DENND1B: variants seen among roughly 807,000 people sequenced by gnomAD.
DENND1B encodes the protein DENN domain containing 1B.
DENND1B carries 59 observed loss-of-function variants against 90.1 expected under a neutral mutation model. The ratio of observed to expected loss-of-function variants is 0.65; its 90% confidence interval spans 0.53 to 0.81. DENND1B has a LOEUF of 0.81. Ranked by LOEUF, DENND1B falls within the 40% of genes least tolerant of loss-of-function variation. DENND1B has a pLI of 0.00. For missense variants in DENND1B, 862 were observed against 912.6 expected, an observed-to-expected ratio of 0.94 and a Z score of 0.71; for synonymous variants, 337 against 324.6, an observed-to-expected ratio of 1.04 and a Z score of -0.41.
At chr1:197,592,443 G>T (rs887824262) in intron 14 of DENND1B, among the ~76,000 whole-genome samples, 1 of 152,076 alleles carries the variant, frequency 6.6e-6, no homozygotes, top group African/African-American at 2.4e-5. Flanking sequence ...AAATAACAAT[G>T]TAATTAACAA....
intron 15 of DENND1B, among the ~76,000 whole-genome samples, chr1:197,571,969 C>G (rs971481982): frequency 6.6e-6 from 1 of 152,070 alleles, no homozygotes; most frequent in South Asian, 2.1e-4. Context: ...CAAATAGGAA[C>G]AGCTCTGGTC....
At chr1:197,584,806 G>C (rs1393478464) in intron 14 of DENND1B, among the ~76,000 whole-genome samples, 2 of 151,962 alleles carry the variant, frequency 1.3e-5, no homozygotes, top group Non-Finnish European at 2.9e-5. Context: ...CAAGTAGCTG[G>C]GACTACAGGC....
intron 16 of DENND1B, among the ~76,000 whole-genome samples, chr1:197,550,041 T>C (rs1671100175): frequency 6.6e-6 from 1 of 152,174 alleles, no homozygotes; most frequent in Admixed American, 6.6e-5. Context: ...GTGTATAAAC[T>C]ACTACTGCAA....
chr1:197,506,376 G>A lies in DENND1B; in HGVS notation c.*4084C>T, dbSNP rs1429629196. ...CCCAGGAACATTAGTACTGACATAG[G>A]GTTTGTAAAAACTATTTCCTACATT... On this transcript the variant is annotated 3_prime_UTR_variant, in exon 23 of 23. Coordinates refer to ENST00000620048, the MANE Select transcript of DENND1B (RefSeq NM_001195215.2). 1 of 151,326 alleles carries A rather than the reference G, an allele frequency of 6.6e-6. No homozygotes were observed. The highest frequency in any genetic ancestry group is 2.4e-5 in the African/African-American group (1 of 41,288). 9.4% of individuals were successfully genotyped at this position (151,326 alleles called of 1,614,324 possible). A position where few individuals can be genotyped will look rare whatever the true frequency, so the allele number is the denominator to read the frequency against.
In DENND1B at chr1:197,510,518, G is replaced by T; in HGVS notation, c.2270C>A (p.Ser757Tyr). 6.2e-7 allele frequency: 1 copy of T among 1,611,948 alleles called. No homozygotes were observed. ...AATGTTCAAGCTTTGTTGGAAGTCA[G>T]ATGTCATATGACATAATGACACTAC... Reference protein sequence around the residue: ...HEVVSLCHMTSDFQQSLNISD... With the variant: ...HEVVSLCHMTYDFQQSLNISD... Residue 757 changes from serine to tyrosine, a missense_variant, in exon 23 of 23, where the codon TCT becomes TAT. Coordinates refer to ENST00000620048, the MANE Select transcript of DENND1B (RefSeq NM_001195215.2).
chr1:197,651,872 G>T (rs1653244894), intron 7 of DENND1B, among the ~76,000 whole-genome samples: 1 of 151,704 alleles, frequency 6.6e-6, no homozygotes, highest in African/African-American at 2.4e-5. Flanking sequence ...AGCCAAGATG[G>T]TCTCGATCTC....
chr1:197,507,934 T>C lies in DENND1B; in HGVS notation c.*2526A>G, dbSNP rs962283301. 7 of 151,618 alleles carry C rather than the reference T, an allele frequency of 4.6e-5. No homozygotes were observed. Among genetic ancestry groups the C allele is most frequent in the Non-Finnish European group, 8.9e-5 (6 of 67,710 alleles). The allele number at this position is 151,618 out of a possible 1,614,324, so 9.4% of individuals were successfully genotyped here. A position where few individuals can be genotyped will look rare whatever the true frequency, so the allele number is the denominator to read the frequency against. Reference sequence around the variant, plus strand: ...TGTTTTTCTGCCTTTGTTTTTAAAATAGAATAAAACTGCTAATTTTGCATT... The same window carrying C: ...TGTTTTTCTGCCTTTGTTTTTAAAACAGAATAAAACTGCTAATTTTGCATT... On this transcript the variant is annotated 3_prime_UTR_variant, in exon 23 of 23. Transcript: ENST00000620048.
At chr1:197,559,129 T>G (rs1028913510) in intron 15 of DENND1B, among the ~76,000 whole-genome samples, 1 of 151,972 alleles carries the variant, frequency 6.6e-6, no homozygotes, top group African/African-American at 2.4e-5. Flanking sequence ...ATTTCCAGCA[T>G]TGAATCTAAA....
At chr1:197,754,195 A>T (rs1003116202) in intron 2 of DENND1B, among the ~76,000 whole-genome samples, 2 of 152,136 alleles carry the variant, frequency 1.3e-5, no homozygotes, top group African/African-American at 4.8e-5. Flanking sequence ...AATACCCAGT[A>T]TTGTGGAGAA....
At chr1:197,607,404 A>T (rs1377092865) in intron 12 of DENND1B, among the ~76,000 whole-genome samples, 1 of 150,922 alleles carries the variant, frequency 6.6e-6, no homozygotes, top group Non-Finnish European at 1.5e-5. Flanking sequence ...TCCTCATCTT[A>T]TATTAAACAT....
chr1:197,772,906 A>G lies in DENND1B; in HGVS notation c.44T>C (p.Leu15Ser). The change falls in exon 2 of 23, where the codon TTG becomes TCG. Residue 15 changes from leucine to serine, a missense_variant. Physicochemically the swap from Leu to Ser is moderately radical, Grantham distance 145. Transcript: ENST00000620048. ...TKANPDRTFD[L>S]VLKVKCHASE... Reference sequence around the variant, plus strand: ...GGCATGACATTTCACTTTCAACACCAAGTCAAAGGTTCTGTCTGGATTTGC... The same window carrying G: ...GGCATGACATTTCACTTTCAACACCGAGTCAAAGGTTCTGTCTGGATTTGC... 1 of 1,551,978 alleles carries G rather than the reference A, an allele frequency of 6.4e-7. No homozygotes were observed. Among genetic ancestry groups the G allele is most frequent in the Non-Finnish European group, 8.7e-7 (1 of 1,147,008 alleles).
At chr1:197,690,929 G>GA (rs149034937) in intron 3 of DENND1B, among the ~76,000 whole-genome samples, 2,796 of 151,620 alleles carry the variant, frequency 0.018, 83 homozygotes, top group African/African-American at 0.063. Context: ...ATATTTTAAT[G>GA]AAAAAAATAG....
At chr1:197,742,464 T>C (rs1442827997) in intron 2 of DENND1B, among the ~76,000 whole-genome samples, 1 of 152,206 alleles carries the variant, frequency 6.6e-6, no homozygotes, top group East Asian at 1.9e-4. Context: ...TATTCATAAA[T>C]AATGCAAATT....
At chr1:197,548,750 G>C (rs1321999674) in intron 16 of DENND1B, among the ~76,000 whole-genome samples, 1 of 151,860 alleles carries the variant, frequency 6.6e-6, no homozygotes, top group African/African-American at 2.4e-5. Context: ...CACACCCAAA[G>C]CAATTATATT....
At chr1:197,654,285 T>C (rs936380683) in intron 6 of DENND1B, among the ~76,000 whole-genome samples, 4 of 152,148 alleles carry the variant, frequency 2.6e-5, no homozygotes, top group African/African-American at 9.7e-5. Context: ...TGATAAACAC[T>C]GTACTTTAAT....
chr1:197,604,253 T>C (rs1320255409), intron 13 of DENND1B, among the ~76,000 whole-genome samples: 1 of 151,176 alleles, frequency 6.6e-6, no homozygotes, highest in Non-Finnish European at 1.5e-5. Context: ...AAAACAAGTG[T>C]TCTTGTCAGA....
intron 15 of DENND1B, among the ~76,000 whole-genome samples, chr1:197,577,859 C>CGAGTTTG (rs1673825279): frequency 6.6e-6 from 1 of 152,098 alleles, no homozygotes. Context: ...ATCTCAAACT[C>CGAGTTTG]AGTGATCTTT....
chr1:197,645,788 T>C, intron 8 of DENND1B, 45 bp from the exon 9 acceptor site: 1 of 1,279,132 alleles, frequency 7.8e-7, no homozygotes, highest in Non-Finnish European at 1.1e-6. Context: ...TAATTAAAAC[T>C]GGTAACATAT....
At chr1:197,615,477 A>G (rs1331348451) in intron 11 of DENND1B, among the ~76,000 whole-genome samples, 1 of 151,130 alleles carries the variant, frequency 6.6e-6, no homozygotes. Flanking sequence ...CCAAAGAGTT[A>G]GCAAAGATAT....
Sources: gnomAD v4.1 joint callset for allele counts (sites outside exome capture counted in the v4.1 genomes callset) on GRCh38, gnomAD v4.1.1 for gene constraint, MANE v1.5 for transcripts, NCBI Gene and HGNC (gene_info 2026-07-23, HGNC 2026-07-21) for gene names.